The following ROBO1 variants were observed in gnomAD, a reference collection of about 807,000 sequenced individuals.
ROBO1 encodes the protein roundabout guidance receptor 1, also known as roundabout homolog 1.
A neutral mutation model predicts 195.9 loss-of-function variants in ROBO1; 149 were observed. The observed-to-expected ratio is 0.76, with a 90% CI of 0.67 to 0.87. The LOEUF (loss-of-function observed/expected upper bound fraction) is 0.87. Ranked by LOEUF, ROBO1 falls within the 40% of genes least tolerant of loss-of-function variation. The probability of loss-of-function intolerance (pLI) is 0.00; values close to 1 mark genes in which losing one functional copy is unlikely to be tolerated. For missense variants in ROBO1, 1,933 were observed against 2,068.3 expected, an observed-to-expected ratio of 0.93 and a Z score of 1.27; for synonymous variants, 816 against 733.2, an observed-to-expected ratio of 1.11 and a Z score of -1.82.
intron 22 of ROBO1, among the ~76,000 whole-genome samples, chr3:78,638,230 T>A (rs1324793749): frequency 7.3e-6 from 1 of 137,522 alleles, no homozygotes; most frequent in Non-Finnish European, 1.6e-5. Flanking sequence ...TATATACATA[T>A]ATGTATGTGT....
At chr3:79,233,295 A>T (rs921430971) in intron 2 of ROBO1, among the ~76,000 whole-genome samples, 1 of 152,176 alleles carries the variant, frequency 6.6e-6, no homozygotes, top group Non-Finnish European at 1.5e-5. Flanking sequence ...TGAAGTGAAA[A>T]AATGGCATAA....
chr3:79,481,089 C>T (rs1000347439), intron 2 of ROBO1, among the ~76,000 whole-genome samples: 1 of 151,934 alleles, frequency 6.6e-6, no homozygotes, highest in Non-Finnish European at 1.5e-5. Context: ...TCACATTCTG[C>T]ATAATTTATA....
chr3:79,702,574 T>G (rs1947650685), intron 1 of ROBO1, among the ~76,000 whole-genome samples: 1 of 151,894 alleles, frequency 6.6e-6, no homozygotes, highest in African/African-American at 2.4e-5. Context: ...TGGTATTGAT[T>G]ATTCAATTAA....
chr3:78,629,560 G>A (rs1196426126), intron 25 of ROBO1, among the ~76,000 whole-genome samples: 1 of 152,056 alleles, frequency 6.6e-6, no homozygotes, highest in African/African-American at 2.4e-5. Context: ...GCTGGGTGCT[G>A]TGGTACAAGC....
intron 2 of ROBO1, among the ~76,000 whole-genome samples, chr3:79,356,184 T>C (rs1245767544): frequency 6.6e-6 from 1 of 151,936 alleles, no homozygotes; most frequent in Non-Finnish European, 1.5e-5. Context: ...CTAATAAAAA[T>C]ACAAAAATTA....
intron 1 of ROBO1, among the ~76,000 whole-genome samples, chr3:79,725,355 T>A (rs1355347302): frequency 6.7e-6 from 1 of 149,986 alleles, no homozygotes; most frequent in Admixed American, 6.7e-5. Flanking sequence ...GCCTCCCGAG[T>A]AGCTGGGACT....
At chr3:79,514,423 G>C (rs1940855228) in intron 2 of ROBO1, among the ~76,000 whole-genome samples, 1 of 152,038 alleles carries the variant, frequency 6.6e-6, no homozygotes. Context: ...GCACATTGGT[G>C]GACAGGATTG....
chr3:78,833,774 T>A (rs1363224585), intron 4 of ROBO1, among the ~76,000 whole-genome samples: 1 of 151,886 alleles, frequency 6.6e-6, no homozygotes, highest in South Asian at 2.1e-4. Flanking sequence ...GGCAGTTAGG[T>A]ACAAAAATTC....
intron 1 of ROBO1, among the ~76,000 whole-genome samples, chr3:79,766,460 A>G (rs17440599): frequency 0.14 from 21,569 of 150,912 alleles, 1,663 homozygotes; most frequent in East Asian, 0.25. Context: ...GGACACAGTG[A>G]CTCCTAGAAG....
chr3:78,683,658 G>A (rs2080983922), intron 10 of ROBO1, among the ~76,000 whole-genome samples: 1 of 151,964 alleles, frequency 6.6e-6, no homozygotes, highest in Non-Finnish European at 1.5e-5. Context: ...GTAATAAGAT[G>A]CCACTGCAAT....
At chr3:79,444,890 C>T (rs1324489762) in intron 2 of ROBO1, among the ~76,000 whole-genome samples, 1 of 151,858 alleles carries the variant, frequency 6.6e-6, no homozygotes, top group African/African-American at 2.4e-5. Flanking sequence ...TGTCCTACAA[C>T]TGATAACAAT....
chr3:79,126,778 A>G (rs1236188535), intron 2 of ROBO1, among the ~76,000 whole-genome samples: 1 of 152,134 alleles, frequency 6.6e-6, no homozygotes, highest in Admixed American at 6.6e-5. Flanking sequence ...GCCCCTCTAG[A>G]AACATCACAG....
intron 3 of ROBO1, among the ~76,000 whole-genome samples, chr3:78,964,080 A>C (rs1477666770): frequency 1.3e-5 from 2 of 152,058 alleles, no homozygotes; most frequent in Non-Finnish European, 2.9e-5. Flanking sequence ...GTTTCCTGGC[A>C]GTTCCCCGGC....
intron 3 of ROBO1, among the ~76,000 whole-genome samples, chr3:79,047,408 C>T (rs985646102): frequency 2.6e-5 from 4 of 151,984 alleles, no homozygotes; most frequent in African/African-American, 9.7e-5. Context: ...AAATGCTCAG[C>T]TTCTACAGAT....
chr3:78,614,206 C>T (rs1029666018), intron 28 of ROBO1, among the ~76,000 whole-genome samples: 2 of 152,084 alleles, frequency 1.3e-5, no homozygotes, highest in Non-Finnish European at 2.9e-5. Context: ...AATAACTGTT[C>T]GTAACACCAC....
intron 4 of ROBO1, among the ~76,000 whole-genome samples, chr3:78,829,838 A>G (rs1257609643): frequency 6.6e-6 from 1 of 152,178 alleles, no homozygotes; most frequent in Non-Finnish European, 1.5e-5. Flanking sequence ...CTGTATGAAC[A>G]TATTTCATGA....
chr3:79,700,317 T>TTGTG (rs71130610), intron 1 of ROBO1, among the ~76,000 whole-genome samples: 53,765 of 143,960 alleles, frequency 0.37, 10,551 homozygotes, highest in African/African-American at 0.53. Context: ...GTGTGTGTGT[T>TTGTG]TGTGTGTGTG....
rs200504935 is a variant in ROBO1, at chr3:78,757,242, T to C, written c.500-10342A>G. Among the ~76,000 whole-genome samples the C allele has an allele frequency of 2.8e-4, 42 of 152,184 alleles. No homozygotes were observed. The East Asian group carries it at 4.1e-3, about 15-fold the overall frequency. On this transcript the variant is annotated intron_variant, in intron 4 of 30. Transcript: ENST00000464233. The stretch of plus-strand genomic sequence containing the variant: ...CAACCTTCCCTACTTCCACTCCCAC[T>C]CGCAATTGCAAATGAGGACACATAG...
intron 29 of ROBO1, among the ~76,000 whole-genome samples, chr3:78,606,039 T>C (rs1703442306): frequency 6.6e-6 from 1 of 152,222 alleles, no homozygotes; most frequent in Non-Finnish European, 1.5e-5. Flanking sequence ...AGTCTCTTCC[T>C]TCACTGTATA....
Sources: gnomAD v4.1 joint callset for allele counts (sites outside exome capture counted in the v4.1 genomes callset) on GRCh38, gnomAD v4.1.1 for gene constraint, MANE v1.5 for transcripts, NCBI Gene and HGNC (gene_info 2026-07-23, HGNC 2026-07-21) for gene names.